Variants in RHBDD1 observed in about 807,000 individuals in gnomAD.
The protein encoded by RHBDD1 is rhomboid-related protein 4.
Under a neutral mutation model 36.3 loss-of-function variants are expected in RHBDD1, and 38 were observed. The observed-to-expected ratio is 1.05, with a 90% CI of 0.81 to 1.37. The LOEUF is 1.37. Ranked by LOEUF, RHBDD1 falls within the 40% of genes most tolerant of loss-of-function variation. RHBDD1 has a pLI of 0.00. For missense variants in RHBDD1, 393 were observed against 377.6 expected (o/e 1.04, Z -0.34); for synonymous variants, 151 against 136.5 (o/e 1.11, Z -0.74).
the RHBDD1 span, among the ~76,000 whole-genome samples, chr2:226,830,065 T>C: frequency 1.3e-5 from 2 of 152,142 alleles, no homozygotes; most frequent in Non-Finnish European, 2.9e-5. Context: ...ATCATAAATA[T>C]GTGTTGGATT....
intron 7 of RHBDD1, among the ~76,000 whole-genome samples, chr2:226,912,177 TG>T (rs1948567021): frequency 6.6e-6 from 1 of 152,136 alleles, no homozygotes; most frequent in Non-Finnish European, 1.5e-5. Context: ...TGCCCTAGGA[TG>T]TTTGTGAATA....
chr2:226,935,146 G>C (rs1350002822), intron 8 of RHBDD1: 1 of 152,090 alleles, frequency 6.6e-6, no homozygotes, highest in Non-Finnish European at 1.5e-5. Flanking sequence ...AACTATGGTG[G>C]AATATACTAC....
the RHBDD1 span, among the ~76,000 whole-genome samples, chr2:226,817,485 G>C: frequency 6.6e-6 from 1 of 152,212 alleles, no homozygotes; most frequent in African/African-American, 2.4e-5. Flanking sequence ...TAAGGCATTA[G>C]CTAAATGAAA....
At chr2:226,948,564 T>TAAAAAAAAAAAAAAAAAAAAAAAAAAA (rs56325989) in intron 8 of RHBDD1, among the ~76,000 whole-genome samples, 1 of 23,554 alleles carries the variant, frequency 4.2e-5, no homozygotes, top group Non-Finnish European at 8.3e-5. Flanking sequence ...ACTTAAAGTA[T>TAAAAAAAAAAAAAAAAAAAAAAAAAAA]AAAAAAAAAA....
intron 8 of RHBDD1, among the ~76,000 whole-genome samples, chr2:226,920,129 TGTAAA>T (rs1949207004): frequency 6.6e-6 from 1 of 151,946 alleles, no homozygotes; most frequent in African/African-American, 2.4e-5. Context: ...AATAAAAACT[TGTAAA>T]TAAATACTTG....
At chr2:226,880,154 C>T (rs1945590360) in intron 5 of RHBDD1, among the ~76,000 whole-genome samples, 1 of 152,060 alleles carries the variant, frequency 6.6e-6, no homozygotes, top group South Asian at 2.1e-4. Flanking sequence ...TTGCATTTTT[C>T]TAATAAGCTT....
chr2:226,831,346 A>C (rs1311324816), upstream of RHBDD1, among the ~76,000 whole-genome samples: 1 of 152,186 alleles, frequency 6.6e-6, no homozygotes, highest in Non-Finnish European at 1.5e-5. Flanking sequence ...AGATGTGTTG[A>C]AGCCCTAACC....
intron 1 of RHBDD1, among the ~76,000 whole-genome samples, chr2:226,836,800 C>G (rs1320071330): frequency 6.6e-6 from 1 of 152,140 alleles, no homozygotes; most frequent in African/African-American, 2.4e-5. Flanking sequence ...TATTAGAAGG[C>G]TTTATCTAAT....
chr2:226,877,516 TG>T (rs1281716147), intron 5 of RHBDD1, among the ~76,000 whole-genome samples: 1 of 151,830 alleles, frequency 6.6e-6, no homozygotes, highest in African/African-American at 2.4e-5. Flanking sequence ...CTTAAAGGCT[TG>T]CTTTATTTTT....
intron 8 of RHBDD1, among the ~76,000 whole-genome samples, chr2:226,940,424 T>C (rs1387914784): frequency 6.6e-6 from 1 of 152,194 alleles, no homozygotes; most frequent in Non-Finnish European, 1.5e-5. Context: ...AATTGTCTCT[T>C]TTGGTATTTA....
chr2:226,925,939 G>A (rs1403125831), intron 8 of RHBDD1, among the ~76,000 whole-genome samples: 1 of 152,166 alleles, frequency 6.6e-6, no homozygotes, highest in Non-Finnish European at 1.5e-5. Context: ...GTGTTTGTGT[G>A]TGTGTGTTTC....
rs115124286 is a variant in RHBDD1 at position 226,878,973 on chromosome 2, C to T, written c.566+11655C>T. Among the ~76,000 whole-genome samples the T allele has an allele frequency of 6.4e-3, 976 of 151,708 alleles. 14 individuals are homozygous for T. Among genetic ancestry groups the T allele is most frequent in the African/African-American group, 0.022 (911 of 41,328 alleles). ...GCTACTGTGAGTCCTAACAACAGCA[C>T]CCATCAAGTAAGAGAGTTTTAAATC... On this transcript the variant is annotated intron_variant, in intron 5 of 8. Coordinates refer to ENST00000392062, the MANE Select transcript of RHBDD1 (RefSeq NM_001167608.3).
intron 8 of RHBDD1, among the ~76,000 whole-genome samples, chr2:226,928,667 A>G (rs777502327): frequency 1.6e-4 from 24 of 152,024 alleles, no homozygotes; most frequent in Admixed American, 2.6e-4. Context: ...AGCAGAATTA[A>G]CAGAAATTGC....
At chr2:226,805,237 CAG>C in the RHBDD1 span, among the ~76,000 whole-genome samples, 1 of 151,892 alleles carries the variant, frequency 6.6e-6, no homozygotes, top group African/African-American at 2.4e-5. Context: ...TGTTTTGAGG[CAG>C]AGTCTTATTC....
chr2:226,839,824 A>G (rs1392410016), intron 3 of RHBDD1, among the ~76,000 whole-genome samples, 197 bp downstream of exon 3: 1 of 152,086 alleles, frequency 6.6e-6, no homozygotes, highest in Non-Finnish European at 1.5e-5. Context: ...CCAAGTTGTG[A>G]CAGCTGTATC....
intron 8 of RHBDD1, among the ~76,000 whole-genome samples, chr2:226,941,335 C>T (rs1268106674): frequency 1.3e-5 from 2 of 152,344 alleles, no homozygotes; most frequent in East Asian, 3.9e-4. Flanking sequence ...TCTCCATCGG[C>T]CTTCAGCCTT....
At chr2:226,958,817 G>T (rs540206180) in intron 8 of RHBDD1, among the ~76,000 whole-genome samples, 2 of 151,854 alleles carry the variant, frequency 1.3e-5, no homozygotes, top group South Asian at 4.2e-4. Context: ...GACTCCAGGA[G>T]TTGGATACCC....
intron 2 of RHBDD1, among the ~76,000 whole-genome samples, chr2:226,838,481 C>T (rs1200814986): frequency 1.3e-5 from 2 of 152,174 alleles, no homozygotes; most frequent in Non-Finnish European, 2.9e-5. Context: ...AAATTAACAT[C>T]CTCCCCACTT....
the RHBDD1 span, among the ~76,000 whole-genome samples, chr2:226,829,212 C>T: frequency 6.6e-6 from 1 of 152,150 alleles, no homozygotes; most frequent in Non-Finnish European, 1.5e-5. Context: ...TATTTCAGTT[C>T]TATTCTGTTG....
Sources: gnomAD v4.1 joint callset for allele counts (sites outside exome capture counted in the v4.1 genomes callset) on GRCh38, gnomAD v4.1.1 for gene constraint, MANE v1.5 for transcripts, NCBI Gene and HGNC (gene_info 2026-07-23, HGNC 2026-07-21) for gene names.